Variants in TUSC3 observed in about 807,000 individuals in gnomAD.
TUSC3 encodes the protein tumor suppressor candidate 3, also known as dolichyl-diphosphooligosaccharide--protein glycosyltransferase subunit TUSC3.
Under a neutral mutation model 44.8 loss-of-function variants are expected in TUSC3, and 45 were observed. That is an observed-to-expected ratio of 1.00 (90% confidence interval 0.79 to 1.29). TUSC3 has a LOEUF of 1.29. Among genes scored for constraint, TUSC3 ranks in the 50% most tolerant of loss-of-function variants. The pLI, the probability that TUSC3 is intolerant of heterozygous loss-of-function variation, is 0.00. For missense variants in TUSC3, 519 were observed against 437.9 expected (o/e 1.19, Z -1.65); for synonymous variants, 212 against 152.9 (o/e 1.39, Z -2.85).
At chr8:15,425,809 C>T (rs1799796557) in intron 1 of TUSC3, among the ~76,000 whole-genome samples, 1 of 152,168 alleles carries the variant, frequency 6.6e-6, no homozygotes, top group Admixed American at 6.5e-5. Flanking sequence ...ATGACTTAGA[C>T]CCTACCACAA....
At chr8:15,843,440 C>T in the TUSC3 span, among the ~76,000 whole-genome samples, 23 of 151,880 alleles carry the variant, frequency 1.5e-4, no homozygotes, top group African/African-American at 5.6e-4. Context: ...ACTCCAAGTA[C>T]TAGAAGAAAA....
chr8:15,690,004 T>C (rs1179837828), intron 6 of TUSC3, among the ~76,000 whole-genome samples: 1 of 152,054 alleles, frequency 6.6e-6, no homozygotes, highest in Non-Finnish European at 1.5e-5. Flanking sequence ...GGTAGAACAA[T>C]TTATATTTTT....
chr8:15,624,853 A>T (rs932591680), intron 2 of TUSC3, among the ~76,000 whole-genome samples: 6 of 152,062 alleles, frequency 3.9e-5, no homozygotes, highest in Non-Finnish European at 8.8e-5. Context: ...CAAATTAAAG[A>T]ACTCTTTCCT....
chr8:15,624,626 C>G (rs942565999), intron 2 of TUSC3, among the ~76,000 whole-genome samples: 1 of 152,102 alleles, frequency 6.6e-6, no homozygotes, highest in African/African-American at 2.4e-5. Context: ...AGTATCTGTT[C>G]ATAGTCTTCT....
chr8:15,659,423 C>G (rs1807320404), intron 3 of TUSC3, 84 bp from the exon 4 acceptor site: 2 of 1,523,210 alleles, frequency 1.3e-6, no homozygotes, highest in East Asian at 2.4e-5. Flanking sequence ...GCTGTTTTCC[C>G]CGAATTTCTA....
At chr8:15,703,893 T>G (rs1809506195) in intron 6 of TUSC3, among the ~76,000 whole-genome samples, 1 of 152,132 alleles carries the variant, frequency 6.6e-6, no homozygotes. Context: ...ATTAGCTCAT[T>G]CGCTCAGCAA....
At chr8:15,602,297 T>G (rs943871526) in intron 1 of TUSC3, among the ~76,000 whole-genome samples, 6 of 151,608 alleles carry the variant, frequency 4.0e-5, no homozygotes, top group African/African-American at 1.5e-4. Flanking sequence ...CTATTTAGCT[T>G]TTGTGGATTC....
At chr8:15,462,327 A>G (rs375425848) in intron 1 of TUSC3, among the ~76,000 whole-genome samples, 29 of 152,262 alleles carry the variant, frequency 1.9e-4, no homozygotes, top group African/African-American at 6.7e-4. Flanking sequence ...AAAGAAACAG[A>G]TAACTATAAA....
intron 1 of TUSC3, among the ~76,000 whole-genome samples, chr8:15,601,399 G>C (rs1804284109): frequency 6.6e-6 from 1 of 151,648 alleles, no homozygotes; most frequent in Admixed American, 6.6e-5. Context: ...AATGGATCTA[G>C]GGAGAGATCC....
the TUSC3 span, among the ~76,000 whole-genome samples, chr8:15,774,428 T>C: frequency 6.6e-6 from 1 of 151,994 alleles, no homozygotes; most frequent in Non-Finnish European, 1.5e-5. Context: ...GAAAACCATA[T>C]AAAGATGGAT....
the TUSC3 span, among the ~76,000 whole-genome samples, chr8:15,795,332 TG>T: frequency 1.1e-3 from 170 of 152,298 alleles, no homozygotes; most frequent in African/African-American, 4.0e-3. Context: ...CCCTGGCCAG[TG>T]AGCTGAAACT....
chr8:15,420,354 C>G (rs113970020), intron 1 of TUSC3, among the ~76,000 whole-genome samples: 2 of 151,968 alleles, frequency 1.3e-5, no homozygotes, highest in Non-Finnish European at 2.9e-5. Context: ...AAAAAATTAG[C>G]CGGGCATGGT....
At chr8:15,524,763 A>G (rs571983588) in intron 2 of TUSC3, among the ~76,000 whole-genome samples, 7 of 152,354 alleles carry the variant, frequency 4.6e-5, no homozygotes, top group African/African-American at 1.7e-4. Context: ...TCATGAGCGC[A>G]TAGTGAAGTT....
chr8:15,430,844 C>T (rs142225986), intron 1 of TUSC3, among the ~76,000 whole-genome samples: 102 of 151,842 alleles, frequency 6.7e-4, no homozygotes, highest in Non-Finnish European at 1.2e-3. Context: ...AACAGACAAA[C>T]AGAGAGCCAA....
chr8:15,569,903 A>T (rs971905478), intron 1 of TUSC3, among the ~76,000 whole-genome samples: 1 of 142,940 alleles, frequency 7.0e-6, no homozygotes, highest in East Asian at 2.0e-4. Context: ...TTATTTCTCT[A>T]ATTTTTAAAT....
At chr8:15,527,167 A>G (rs561041085) in intron 2 of TUSC3, among the ~76,000 whole-genome samples, 31 of 152,270 alleles carry the variant, frequency 2.0e-4, no homozygotes, top group Admixed American at 1.1e-3. Context: ...GTTGATTTAA[A>G]TTGTTACTTC....
rs79187908 is a variant in TUSC3, at chr8:15,684,420, T to C, written c.798+10584T>C. Among the ~76,000 whole-genome samples, 193 of 152,262 alleles carry C rather than the reference T, an allele frequency of 1.3e-3. 2 individuals are homozygous for C. Among genetic ancestry groups the C allele is most frequent in the East Asian group, 0.011 (55 of 5,168 alleles). On this transcript the variant is annotated intron_variant, in intron 6 of 10. Transcript: ENST00000503731. The stretch of plus-strand genomic sequence containing the variant: ...CACCGTGTGTACAACTGGTATATTT[T>C]CAGCCTGGCAGCCCAAGAGGCTTGA...
At chr8:15,583,339 A>G (rs1347603875) in intron 1 of TUSC3, among the ~76,000 whole-genome samples, 4 of 152,210 alleles carry the variant, frequency 2.6e-5, no homozygotes, top group Non-Finnish European at 5.9e-5. Context: ...TGCGGAACTA[A>G]TAAAACTCAC....
At chr8:15,744,394 T>A (rs1811318589) in intron 8 of TUSC3, among the ~76,000 whole-genome samples, 1 of 152,176 alleles carries the variant, frequency 6.6e-6, no homozygotes, top group Non-Finnish European at 1.5e-5. Context: ...TAATATCAAG[T>A]CCCTATATGA....
Sources: allele counts gnomAD v4.1 joint callset (sites outside exome capture counted in the v4.1 genomes callset), GRCh38; gene constraint gnomAD v4.1.1; transcripts MANE v1.5; gene names NCBI Gene and HGNC (gene_info 2026-07-23, HGNC 2026-07-21).